TMEM132E: variants seen among roughly 807,000 people sequenced by gnomAD.
The protein encoded by TMEM132E is transmembrane protein 132E.
TMEM132E carries 49 observed loss-of-function variants against 78.5 expected under a neutral mutation model. The observed-to-expected ratio is 0.62, with a 90% CI of 0.50 to 0.79. The LOEUF is 0.79. Ranked by LOEUF, TMEM132E falls within the 30% of genes least tolerant of loss-of-function variation. The probability of loss-of-function intolerance (pLI) is 0.00; values close to 1 mark genes in which losing one functional copy is unlikely to be tolerated. For synonymous variants in TMEM132E, 715 were observed against 670.6 expected (o/e 1.07, Z -1.02); for missense variants, 1,403 against 1,470.9 (o/e 0.95, Z 0.75).
At chr17:34,632,560 A>C (rs1907380913) in intron 5 of TMEM132E, 144 bp from the exon 6 acceptor site, 3 of 747,282 alleles carry the variant, frequency 4.0e-6, no homozygotes, top group East Asian at 5.4e-5. Flanking sequence ...TCCCAGAGGA[A>C]TCAGTGCTTC....
chr17:34,604,372 G>C (rs943367518), intron 1 of TMEM132E, among the ~76,000 whole-genome samples: 3 of 152,128 alleles, frequency 2.0e-5, no homozygotes, highest in East Asian at 1.9e-4. Context: ...TCCGCCAAGA[G>C]AGCCCTTCCC....
chr17:34,624,553 G>A (rs552755466), intron 1 of TMEM132E, among the ~76,000 whole-genome samples: 1 of 152,312 alleles, frequency 6.6e-6, no homozygotes, highest in Admixed American at 6.5e-5. Flanking sequence ...ATTCAGATTT[G>A]GATATGCACA....
chr17:34,589,598 G>A lies in TMEM132E; in HGVS notation c.67+8455G>A, dbSNP rs1277182826. 2.6e-5 allele frequency among the ~76,000 whole-genome samples: 4 copies of A among 152,174 alleles called. No individual in the cohort carries two copies. In the East Asian group the frequency reaches 7.7e-4, roughly 29 times the overall value. Reference sequence around the variant, plus strand: ...GAGTGCAATAGTGGCAGGTGTGGGGGTCCTTGTGTTCAGGGACTGCAAAGT... The same window carrying A: ...GAGTGCAATAGTGGCAGGTGTGGGGATCCTTGTGTTCAGGGACTGCAAAGT... On this transcript the variant is annotated intron_variant, in intron 1 of 8. Transcript: ENST00000631683.
In TMEM132E at chr17:34,637,990, G is replaced by T. The variant is rs372387205; in HGVS notation, c.2983G>T (p.Ala995Ser). 6 of 1,587,612 alleles carry T rather than the reference G, an allele frequency of 3.8e-6. No individual in the cohort carries two copies. In the African/African-American group the frequency reaches 4.0e-5, roughly 11 times the overall value. ...GRGDGSSGGSARDQAEDPASS... is the reference protein window; with the variant it reads ...GRGDGSSGGSSRDQAEDPASS... ...GGGCGACGGCTCCTCGGGCGGCTCA[G>T]CCCGAGACCAAGCCGAGGACCCCGC... is the stretch of plus-strand genomic sequence containing the variant. The change falls in exon 9 of 9, where the codon GCC (alanine) becomes TCC (serine). Residue 995 changes from alanine to serine, a missense_variant. Ala to Ser is a moderately conservative substitution (Grantham distance 99, BLOSUM62 1). Transcript: ENST00000631683.
intron 1 of TMEM132E, among the ~76,000 whole-genome samples, chr17:34,618,440 C>T (rs559624780): frequency 1.3e-5 from 2 of 150,550 alleles, no homozygotes; most frequent in African/African-American, 4.9e-5. Context: ...CTTTGTTGTC[C>T]AAGCTGGTCT....
intron 1 of TMEM132E, among the ~76,000 whole-genome samples, chr17:34,594,973 G>T (rs1172652194): frequency 6.6e-6 from 1 of 152,224 alleles, no homozygotes; most frequent in South Asian, 2.1e-4. Flanking sequence ...GCTGATATGA[G>T]ACAAGGATGC....
At chr17:34,625,033 A>C (rs1316096095) in intron 1 of TMEM132E, among the ~76,000 whole-genome samples, 2 of 152,102 alleles carry the variant, frequency 1.3e-5, no homozygotes, top group Non-Finnish European at 2.9e-5. Context: ...GTGTCCAACG[A>C]GTTTTGGGCT....
At chr17:34,635,205 G>C in intron 7 of TMEM132E, 118 bp downstream of exon 7, 1 of 1,194,928 alleles carries the variant, frequency 8.4e-7, no homozygotes, top group Non-Finnish European at 1.1e-6. Flanking sequence ...TTCCCTGCCT[G>C]CCCCTTGTCT....
At chr17:34,609,058 G>A (rs1305078802) in intron 1 of TMEM132E, among the ~76,000 whole-genome samples, 1 of 152,182 alleles carries the variant, frequency 6.6e-6, no homozygotes, top group Non-Finnish European at 1.5e-5. Context: ...TGGCTCTACA[G>A]CAGTCGGGAC....
chr17:34,614,169 G>A (rs1421197909), intron 1 of TMEM132E, among the ~76,000 whole-genome samples: 2 of 152,182 alleles, frequency 1.3e-5, no homozygotes, highest in Non-Finnish European at 2.9e-5. Flanking sequence ...CAGCCGGGTG[G>A]TAGGGAGTAT....
At position 34,638,261 on chromosome 17, in the gene TMEM132E, C is replaced by A. The variant is rs769878404; in HGVS notation, c.*29C>A. The A allele has an allele frequency of 2.0e-6, 3 of 1,473,318 alleles. No individual in the cohort carries two copies. Among genetic ancestry groups the A allele is most frequent in the Non-Finnish European group, 9.0e-7 (1 of 1,113,424 alleles). The allele number at this position is 1,473,318 out of a possible 1,614,324, so 91.3% of individuals were successfully genotyped here. A position where few individuals can be genotyped will look rare whatever the true frequency, so the allele number is the denominator to read the frequency against. On this transcript the variant is annotated 3_prime_UTR_variant, in exon 9 of 9. Transcript: ENST00000631683. ...CGCCAGCCGGAGTAGCAGGGACCCC[C>A]CCCCCCAACGGGGTCAGCTCGGGGT...
intron 1 of TMEM132E, among the ~76,000 whole-genome samples, chr17:34,599,198 T>TG (rs1567712868): frequency 6.6e-6 from 1 of 151,892 alleles, no homozygotes; most frequent in African/African-American, 2.4e-5. Context: ...GAAACTGAGG[T>TG]GGGGGGTTCC....
At position 34,637,840 on chromosome 17, in the gene TMEM132E, C is replaced by A; in HGVS notation, c.2833C>A (p.Arg945=). Residue 945 remains arginine (R), a synonymous_variant, in exon 9 of 9, where the codon CGG becomes AGG. Transcript: ENST00000631683. ...WVFLGNGQPL[R]VQGELSPPAG... is the part of the protein sequence containing the mutation. ...GTTCCTGGGCAACGGGCAGCCGCTGCGGGTGCAAGGAGAGCTGTCGCCGCC... is the reference window on the plus strand; with the variant it reads ...GTTCCTGGGCAACGGGCAGCCGCTGAGGGTGCAAGGAGAGCTGTCGCCGCC... 6.2e-7 allele frequency: 1 copy of A among 1,610,334 alleles called. No homozygotes were observed. Among genetic ancestry groups the A allele is most frequent in the East Asian group, 2.2e-5 (1 of 44,814 alleles).
chr17:34,634,765 G>A (rs1428403822), intron 6 of TMEM132E, 34 bp from the exon 7 acceptor site: 5 of 1,582,562 alleles, frequency 3.2e-6, no homozygotes, highest in Admixed American at 1.8e-5. Context: ...GAGTCCAGGT[G>A]AGAAGCCTTC....
At chr17:34,603,685 C>T (rs1373026054) in intron 1 of TMEM132E, among the ~76,000 whole-genome samples, 1 of 152,136 alleles carries the variant, frequency 6.6e-6, no homozygotes, top group Non-Finnish European at 1.5e-5. Flanking sequence ...AGCTCTTCCC[C>T]CTGGGTGTTC....
intron 7 of TMEM132E, chr17:34,635,714 G>T (rs1382675881): frequency 6.3e-6 from 2 of 319,192 alleles, no homozygotes; most frequent in Non-Finnish European, 1.1e-5. Context: ...CATTGAGGTT[G>T]CACATCAATT....
chr17:34,630,310 C>T (rs1907312023), intron 5 of TMEM132E, among the ~76,000 whole-genome samples, 159 bp downstream of exon 5: 1 of 152,168 alleles, frequency 6.6e-6, no homozygotes, highest in South Asian at 2.1e-4. Context: ...CAGCTGCCCC[C>T]ACCTTTTCCT....
intron 1 of TMEM132E, among the ~76,000 whole-genome samples, chr17:34,612,060 C>T (rs561344953): frequency 6.6e-6 from 1 of 152,216 alleles, no homozygotes; most frequent in African/African-American, 2.4e-5. Flanking sequence ...AACTGAGGCC[C>T]AAGTCACCCC....
chr17:34,583,332 C>T (rs35752963), intron 1 of TMEM132E, among the ~76,000 whole-genome samples: 2,605 of 152,366 alleles, frequency 0.017, 50 homozygotes, highest in South Asian at 0.051. Context: ...GAGTCCTGAA[C>T]TCTCTTCTCC....
Sources: allele counts gnomAD v4.1 joint callset (sites outside exome capture counted in the v4.1 genomes callset), GRCh38; gene constraint gnomAD v4.1.1; transcripts MANE v1.5; gene names NCBI Gene and HGNC (gene_info 2026-07-23, HGNC 2026-07-21).